Variants in SETBP1 observed in about 807,000 individuals in gnomAD.
The protein encoded by SETBP1 is SET binding protein 1, also known as SET-binding protein.
Under a neutral mutation model 101.0 loss-of-function variants are expected in SETBP1, and 9 were observed. The ratio of observed to expected loss-of-function variants is 0.09; its 90% CI spans 0.05 to 0.16. The LOEUF is 0.16. Ranked by LOEUF, SETBP1 falls within the 10% of genes least tolerant of loss-of-function variation. The pLI, the probability that SETBP1 is intolerant of heterozygous loss-of-function variation, is 1.00. For missense variants in SETBP1, 1,858 were observed against 2,033.8 expected, an observed-to-expected ratio of 0.91 and a Z score of 1.66; for synonymous variants, 818 against 788.5, an observed-to-expected ratio of 1.04 and a Z score of -0.63.
In SETBP1 at chr18:44,834,936, T is replaced by C. The variant is rs1441100596; in HGVS notation, c.487-34294T>C. On this transcript the variant is annotated intron_variant, in intron 2 of 5. Transcript: ENST00000649279. ...AGGTACTTGGAAACAGGAGCAGTTT[T>C]CTAAGCAGAGGAAAGAGGAAAGGGT... is the stretch of plus-strand genomic sequence containing the variant. 2.6e-5 allele frequency among the ~76,000 whole-genome samples: 4 copies of C among 152,166 alleles called. 1 individual carries two copies. The East Asian group carries it at 5.8e-4, about 22-fold the overall frequency.
chr18:44,890,515 G>A (rs768742291), intron 3 of SETBP1, among the ~76,000 whole-genome samples: 3 of 152,072 alleles, frequency 2.0e-5, no homozygotes, highest in Non-Finnish European at 4.4e-5. Flanking sequence ...AGTATTTGGA[G>A]ATGTTTGTAT....
At chr18:44,755,532 G>A (rs143308584) in intron 2 of SETBP1, among the ~76,000 whole-genome samples, 4 of 151,576 alleles carry the variant, frequency 2.6e-5, no homozygotes, top group Admixed American at 2.0e-4. Context: ...CAGGTTTGTA[G>A]GCTTTTGGAC....
chr18:44,868,231 G>C (rs1314006256), intron 2 of SETBP1, among the ~76,000 whole-genome samples: 1 of 152,100 alleles, frequency 6.6e-6, no homozygotes, highest in Non-Finnish European at 1.5e-5. Context: ...CTTTTATGTT[G>C]TATATGATTG....
chr18:44,882,565 C>A (rs987396808), intron 3 of SETBP1, among the ~76,000 whole-genome samples: 2 of 151,702 alleles, frequency 1.3e-5, no homozygotes, highest in Non-Finnish European at 2.9e-5. Context: ...TCTTTGCCTG[C>A]AAAGAAAGAA....
At chr18:45,029,961 G>A (rs1365296696) in intron 4 of SETBP1, among the ~76,000 whole-genome samples, 1 of 145,626 alleles carries the variant, frequency 6.9e-6, no homozygotes, top group Non-Finnish European at 1.5e-5. Context: ...TGCAAACAGG[G>A]ACAATTTGAC....
chr18:45,030,144 G>A (rs2073260322), intron 4 of SETBP1, among the ~76,000 whole-genome samples: 1 of 148,426 alleles, frequency 6.7e-6, no homozygotes, highest in Non-Finnish European at 1.5e-5. Context: ...ATTGGCTGTG[G>A]GTTTGTCATA....
intron 4 of SETBP1, among the ~76,000 whole-genome samples, chr18:44,981,862 T>G (rs569549872): frequency 6.6e-6 from 1 of 152,330 alleles, no homozygotes; most frequent in East Asian, 1.9e-4. Flanking sequence ...AAGGTCGAAC[T>G]TGTGTTTTGT....
At chr18:44,919,185 T>C (rs1416619170) in intron 3 of SETBP1, among the ~76,000 whole-genome samples, 1 of 152,148 alleles carries the variant, frequency 6.6e-6, no homozygotes, top group Admixed American at 6.6e-5. Flanking sequence ...TGAACAAAAA[T>C]ATAATACATT....
At chr18:44,841,720 G>T (rs565591818) in intron 2 of SETBP1, among the ~76,000 whole-genome samples, 1 of 152,268 alleles carries the variant, frequency 6.6e-6, no homozygotes, top group South Asian at 2.1e-4. Flanking sequence ...TGGCTTATCA[G>T]CATCCAAGGA....
At chr18:44,863,033 A>G (rs2069049602) in intron 2 of SETBP1, among the ~76,000 whole-genome samples, 1 of 152,170 alleles carries the variant, frequency 6.6e-6, no homozygotes. Flanking sequence ...GCTGTTTTGT[A>G]TGACAGTGTT....
At chr18:45,045,854 C>T (rs945394157) in intron 5 of SETBP1, among the ~76,000 whole-genome samples, 2 of 152,068 alleles carry the variant, frequency 1.3e-5, no homozygotes, top group Non-Finnish European at 2.9e-5. Context: ...TTTGCTGCTG[C>T]TATTGTTGAT....
At chr18:44,987,992 T>G (rs1188980231) in intron 4 of SETBP1, 2 of 152,226 alleles carry the variant, frequency 1.3e-5, no homozygotes, top group Non-Finnish European at 2.9e-5. Flanking sequence ...ACCTGTTTAA[T>G]TGTTGATATT....
chr18:44,702,001 A>G (rs969868714), intron 2 of SETBP1, among the ~76,000 whole-genome samples, 169 bp downstream of exon 2: 4 of 152,216 alleles, frequency 2.6e-5, no homozygotes, highest in African/African-American at 7.2e-5. Flanking sequence ...GACTTCCCCC[A>G]AAACTTAACT....
At chr18:44,757,915 T>C (rs1319579455) in intron 2 of SETBP1, among the ~76,000 whole-genome samples, 3 of 152,186 alleles carry the variant, frequency 2.0e-5, no homozygotes, top group Non-Finnish European at 4.4e-5. Context: ...AAAGTCTAAG[T>C]CCCAAGACAT....
intron 4 of SETBP1, among the ~76,000 whole-genome samples, chr18:44,967,897 C>A (rs1482057170): frequency 6.6e-6 from 1 of 152,154 alleles, no homozygotes; most frequent in Non-Finnish European, 1.5e-5. Context: ...TCTCAGAACA[C>A]CTTGCAGAGA....
rs550014342 is a variant in SETBP1 at position 44,826,579 on chromosome 18, C to T, written c.487-42651C>T. On this transcript the variant is annotated intron_variant, in intron 2 of 5. Coordinates refer to ENST00000649279, the MANE Select transcript of SETBP1 (RefSeq NM_015559.3). ...GAGCTGCTAAAAGCCAGGAGAGAGA[C>T]GGGAGAGCTAGCAAGAGCAGGGAGG... is the stretch of plus-strand genomic sequence containing the variant. 2.5e-4 allele frequency among the ~76,000 whole-genome samples: 38 copies of T among 151,992 alleles called. No homozygotes were observed. In the South Asian group the frequency reaches 6.5e-3, roughly 26 times the overall value.
In SETBP1 at chr18:44,874,652, G is replaced by A. The variant is rs185149335; in HGVS notation, c.540+5369G>A. On this transcript the variant is annotated intron_variant, in intron 3 of 5. Coordinates refer to ENST00000649279, the MANE Select transcript of SETBP1 (RefSeq NM_015559.3). ...ACCAAAGTGAGGGCCCACGAGAAGT[G>A]CAGTGTTCATTCCTGGAGGAAGAAC... Among the ~76,000 whole-genome samples the A allele has an allele frequency of 3.9e-5, 6 of 152,342 alleles. No homozygotes were observed. In the East Asian group the frequency reaches 1.2e-3, roughly 29 times the overall value.
At chr18:44,706,648 G>T (rs1386630017) in intron 2 of SETBP1, among the ~76,000 whole-genome samples, 1 of 124,496 alleles carries the variant, frequency 8.0e-6, no homozygotes, top group African/African-American at 3.0e-5. Flanking sequence ...ACAGGGTTTT[G>T]AAGAGTTTCC....
chr18:44,838,134 T>G (rs2072535861), intron 2 of SETBP1, among the ~76,000 whole-genome samples: 2 of 152,190 alleles, frequency 1.3e-5, no homozygotes, highest in African/African-American at 4.8e-5. Context: ...CCTGGCTCTG[T>G]CCTTTTGCTT....
Sources: gnomAD v4.1 joint callset for allele counts (sites outside exome capture counted in the v4.1 genomes callset) on GRCh38, gnomAD v4.1.1 for gene constraint, MANE v1.5 for transcripts, NCBI Gene and HGNC (gene_info 2026-07-23, HGNC 2026-07-21) for gene names.